DCAF12: variants seen among roughly 807,000 people sequenced by gnomAD.
DCAF12 encodes DDB1 and CUL4 associated factor 12, also known as DDB1- and CUL4-associated factor 12.
Under a neutral mutation model 52.8 loss-of-function variants are expected in DCAF12, and 28 were observed. The ratio of observed to expected loss-of-function variants is 0.53; its 90% confidence interval spans 0.39 to 0.73. DCAF12 has a LOEUF of 0.73. Among genes scored for constraint, DCAF12 ranks in the 30% least tolerant of loss-of-function variants. The pLI, the probability that DCAF12 is intolerant of heterozygous loss-of-function variation, is 0.00. For missense variants in DCAF12, 425 were observed against 552.2 expected, an observed-to-expected ratio of 0.77 and a Z score of 2.31; for synonymous variants, 196 against 215.5, an observed-to-expected ratio of 0.91 and a Z score of 0.79.
chr9:34,091,655 A>AAAAT (rs1748051212), intron 7 of DCAF12, among the ~76,000 whole-genome samples: 1 of 151,244 alleles, frequency 6.6e-6, no homozygotes, highest in Non-Finnish European at 1.5e-5. Flanking sequence ...AAAAAAAAAA[A>AAAAT]AAAAAACCAC....
chr9:34,117,853 G>A (rs1388093375), intron 2 of DCAF12, among the ~76,000 whole-genome samples: 1 of 152,170 alleles, frequency 6.6e-6, no homozygotes, highest in African/African-American at 2.4e-5. Context: ...GGCGGAGGTT[G>A]CAGTGAGCCG....
At chr9:34,089,304 A>T in intron 8 of DCAF12, 108 bp downstream of exon 8, 2 of 1,260,002 alleles carry the variant, frequency 1.6e-6, no homozygotes, top group Non-Finnish European at 2.2e-6. Flanking sequence ...AGTGCCTCTT[A>T]CTAGTGAAAA....
chr9:34,096,098 G>T (rs1339922271), intron 6 of DCAF12: 1 of 152,302 alleles, frequency 6.6e-6, no homozygotes, highest in Non-Finnish European at 1.5e-5. Context: ...GTTCATGCCT[G>T]AATGCCCAGC....
chr9:34,126,278 T>C (rs1829248829), intron 1 of DCAF12, 76 bp downstream of exon 1: 1 of 1,556,418 alleles, frequency 6.4e-7, no homozygotes, highest in Non-Finnish European at 8.7e-7. Context: ...CCGATTCCCG[T>C]CGCAGGATCT....
intron 2 of DCAF12, among the ~76,000 whole-genome samples, chr9:34,118,823 G>C (rs1380720659): frequency 6.6e-6 from 1 of 152,082 alleles, no homozygotes. Context: ...AATTAGCCGG[G>C]CGTGGTGGCA....
intron 2 of DCAF12, among the ~76,000 whole-genome samples, chr9:34,118,986 A>T (rs191944746): frequency 8.3e-4 from 126 of 152,132 alleles, no homozygotes; most frequent in African/African-American, 3.0e-3. Context: ...TAATAATAAT[A>T]ATAATATCTC....
At chr9:34,090,711 G>C (rs1828629756) in intron 7 of DCAF12, among the ~76,000 whole-genome samples, 1 of 151,448 alleles carries the variant, frequency 6.6e-6, no homozygotes, top group South Asian at 2.1e-4. Context: ...CTGGAGTACT[G>C]TGGCACAATC....
intron 4 of DCAF12, among the ~76,000 whole-genome samples, chr9:34,100,969 ACAC>A (rs1332686441): frequency 6.6e-6 from 1 of 151,060 alleles, no homozygotes; most frequent in Non-Finnish European, 1.5e-5. Context: ...ATTACACAAA[ACAC>A]CACATTTTAC....
At chr9:34,123,311 T>C (rs1829202559) in intron 2 of DCAF12, among the ~76,000 whole-genome samples, 1 of 152,238 alleles carries the variant, frequency 6.6e-6, no homozygotes, top group Admixed American at 6.5e-5. Context: ...GAAAAGGTTA[T>C]GGAAATCATT....
At chr9:34,112,792 G>A (rs931592134) in intron 2 of DCAF12, among the ~76,000 whole-genome samples, 7 of 151,966 alleles carry the variant, frequency 4.6e-5, no homozygotes, top group Non-Finnish European at 1.0e-4. Context: ...TAGCTACTCG[G>A]GAGGCTGAGG....
intron 4 of DCAF12, among the ~76,000 whole-genome samples, chr9:34,104,420 TGA>T (rs1225352660): frequency 6.6e-6 from 1 of 152,008 alleles, no homozygotes; most frequent in Non-Finnish European, 1.5e-5. Context: ...ATGGAAGCTA[TGA>T]GAGAGAAAGT....
intron 4 of DCAF12, among the ~76,000 whole-genome samples, chr9:34,098,844 C>T (rs1177542428): frequency 6.6e-6 from 1 of 151,964 alleles, no homozygotes. Context: ...TCTCAGCTCA[C>T]TGCAACCTCC....
chr9:34,091,813 CGAGAAATGGGATAAAGT>C (rs1335948740), intron 7 of DCAF12, among the ~76,000 whole-genome samples: 2 of 151,910 alleles, frequency 1.3e-5, no homozygotes, highest in Non-Finnish European at 2.9e-5. Context: ...TGGGATAAAG[CGAGAAATGGGATAAAGT>C]GAGATAAAGA....
intron 4 of DCAF12, among the ~76,000 whole-genome samples, chr9:34,101,978 A>G (rs901014343): frequency 1.3e-4 from 19 of 151,100 alleles, no homozygotes; most frequent in Admixed American, 4.0e-4. Context: ...ATTGTGCCAC[A>G]GACTCCAACC....
chr9:34,109,816 G>C, intron 2 of DCAF12: 1 of 343,848 alleles, frequency 2.9e-6, no homozygotes, highest in Admixed American at 2.8e-5. Context: ...GGTGGGTGTG[G>C]GCAGCTTTAG....
At chr9:34,118,688 G>A (rs905916859) in intron 2 of DCAF12, among the ~76,000 whole-genome samples, 2 of 152,170 alleles carry the variant, frequency 1.3e-5, no homozygotes, top group Non-Finnish European at 2.9e-5. Flanking sequence ...ATATGGCCGG[G>A]CGTGGTGGGT....
At chr9:34,102,413 AG>A (rs1828843348) in intron 4 of DCAF12, among the ~76,000 whole-genome samples, 1 of 152,220 alleles carries the variant, frequency 6.6e-6, no homozygotes, top group Non-Finnish European at 1.5e-5. Context: ...CTGTAACCCC[AG>A]AACTTTGGGA....
chr9:34,115,963 T>C (rs1829082336), intron 2 of DCAF12, among the ~76,000 whole-genome samples: 1 of 152,242 alleles, frequency 6.6e-6, no homozygotes, highest in Non-Finnish European at 1.5e-5. Flanking sequence ...TGAACATTTA[T>C]GCCACGTCCA....
At chr9:34,107,603 T>G in intron 2 of DCAF12, 38 bp from the exon 3 acceptor site, 1 of 1,588,194 alleles carries the variant, frequency 6.3e-7, no homozygotes, top group Non-Finnish European at 8.6e-7. Flanking sequence ...GAACATAAAT[T>G]TAACGTGGCC....
Sources: gnomAD v4.1 joint callset for allele counts (sites outside exome capture counted in the v4.1 genomes callset) on GRCh38, gnomAD v4.1.1 for gene constraint, MANE v1.5 for transcripts, NCBI Gene and HGNC (gene_info 2026-07-23, HGNC 2026-07-21) for gene names.